The following ACTR3C variants were observed in gnomAD, a reference collection of about 807,000 sequenced individuals.
ACTR3C encodes actin related protein 3C, also known as actin-related protein 3C.
ACTR3C carries 18 observed loss-of-function variants against 26.3 expected under a neutral mutation model. The ratio of observed to expected loss-of-function variants is 0.68; its 90% CI spans 0.47 to 1.01. The LOEUF is 1.01. Ranked by LOEUF, ACTR3C falls within the 50% of genes least tolerant of loss-of-function variation. The probability of loss-of-function intolerance (pLI) is 0.00; values close to 1 mark genes in which losing one functional copy is unlikely to be tolerated. For synonymous variants in ACTR3C, 55 were observed against 94.5 expected (o/e 0.58, Z 2.42); for missense variants, 184 against 250.7 (o/e 0.73, Z 1.80).
the ACTR3C span, among the ~76,000 whole-genome samples, chr7:150,019,705 T>G: frequency 6.6e-6 from 1 of 150,406 alleles, no homozygotes; most frequent in East Asian, 1.9e-4. Flanking sequence ...AAATGAGGAG[T>G]TTTTCAGTTG....
intron 1 of ACTR3C, among the ~76,000 whole-genome samples, chr7:150,321,878 G>C (rs1797548442): frequency 6.6e-6 from 1 of 152,246 alleles, no homozygotes; most frequent in Non-Finnish European, 1.5e-5. Context: ...CAGGAGAAGG[G>C]TCATCTGAAA....
the ACTR3C span, among the ~76,000 whole-genome samples, chr7:150,028,567 C>G: frequency 6.6e-6 from 1 of 152,312 alleles, no homozygotes; most frequent in Non-Finnish European, 1.5e-5. Context: ...GGCGCCGAGG[C>G]TGATCCCGTG....
the ACTR3C span, among the ~76,000 whole-genome samples, chr7:149,913,613 C>A: frequency 6.6e-6 from 1 of 151,784 alleles, no homozygotes. Flanking sequence ...GGGCCGTGCG[C>A]GATTCACTAA....
At chr7:149,927,647 G>A in the ACTR3C span, among the ~76,000 whole-genome samples, 1 of 151,012 alleles carries the variant, frequency 6.6e-6, no homozygotes, top group Non-Finnish European at 1.5e-5. Context: ...AGAATCACTT[G>A]AACCCGGGAG....
chr7:149,907,481 T>TCTCTCC, the ACTR3C span, among the ~76,000 whole-genome samples: 1 of 115,032 alleles, frequency 8.7e-6, no homozygotes, highest in African/African-American at 4.8e-5. Flanking sequence ...TCTTCTCTTC[T>TCTCTCC]CTCTCTCTCT....
chr7:150,227,989 G>A, the ACTR3C span, among the ~76,000 whole-genome samples: 1 of 152,012 alleles, frequency 6.6e-6, no homozygotes, highest in Non-Finnish European at 1.5e-5. Context: ...TTCTAGGAAG[G>A]TCTTTGTCCT....
chr7:150,049,359 T>A, the ACTR3C span, among the ~76,000 whole-genome samples: 1 of 151,886 alleles, frequency 6.6e-6, no homozygotes, highest in African/African-American at 2.4e-5. Context: ...ACCTATCACA[T>A]CCAGAGAGCG....
the ACTR3C span, among the ~76,000 whole-genome samples, chr7:150,167,492 CAA>C: frequency 6.6e-6 from 1 of 150,896 alleles, no homozygotes; most frequent in Non-Finnish European, 1.5e-5. Flanking sequence ...AATTCAGTCT[CAA>C]GAGTGTAAAC....
the ACTR3C span, among the ~76,000 whole-genome samples, chr7:150,221,868 G>C: frequency 2.0e-5 from 3 of 151,986 alleles, no homozygotes; most frequent in Middle Eastern, 6.8e-3. Context: ...CGTGGTGGCG[G>C]GTGCCGGTAG....
chr7:150,227,465 G>T, the ACTR3C span, among the ~76,000 whole-genome samples: 2 of 151,062 alleles, frequency 1.3e-5, no homozygotes, highest in Non-Finnish European at 2.9e-5. Context: ...TCTTTTAAAA[G>T]TATCTTTCAC....
the ACTR3C span, chr7:150,047,820 A>T: frequency 6.5e-7 from 1 of 1,528,402 alleles, no homozygotes; most frequent in Non-Finnish European, 8.8e-7. Context: ...CGAGGTGTTG[A>T]TCTTGCCGGT....
the ACTR3C span, among the ~76,000 whole-genome samples, chr7:150,076,224 A>G: frequency 6.6e-6 from 1 of 152,166 alleles, no homozygotes; most frequent in Non-Finnish European, 1.5e-5. Flanking sequence ...AGGAAAAAAA[A>G]AAACTGATCA....
the ACTR3C span, among the ~76,000 whole-genome samples, chr7:150,225,487 C>T: frequency 1.3e-5 from 2 of 152,210 alleles, no homozygotes; most frequent in African/African-American, 4.8e-5. Context: ...CCATCCAATT[C>T]GTTGTTCAGT....
chr7:150,308,538 C>T (rs1796004615), intron 1 of ACTR3C, among the ~76,000 whole-genome samples: 1 of 151,970 alleles, frequency 6.6e-6, no homozygotes. Context: ...CCCAATGCAG[C>T]TCATCCCAAA....
the ACTR3C span, among the ~76,000 whole-genome samples, chr7:150,036,158 G>A: frequency 2.2e-5 from 3 of 134,004 alleles, 1 homozygote; most frequent in African/African-American, 5.5e-5. Context: ...CGTGGGGGGT[G>A]CCTCCCCCCC....
At position 150,252,914 on chromosome 7, in the gene ACTR3C, G is replaced by A. The variant is rs145589871; in HGVS notation, c.565-3860C>T. Among the ~76,000 whole-genome samples, 825 of 151,698 alleles carry A rather than the reference G, an allele frequency of 5.4e-3. 11 individuals carry two copies. Among genetic ancestry groups the A allele is most frequent in the African/African-American group, 0.019 (777 of 40,994 alleles). ...TCTGGGCCCAACAGCTATCTCAATT[G>A]TGGATGATATTTATATAAGAGCAAA... On this transcript the variant is annotated intron_variant, in intron 6 of 7. Transcript: ENST00000683684.
At chr7:150,039,654 G>A in the ACTR3C span, among the ~76,000 whole-genome samples, 7 of 146,912 alleles carry the variant, frequency 4.8e-5, no homozygotes, top group East Asian at 8.5e-4. Context: ...TCCTCCAGGT[G>A]GGTCCTAAGG....
the ACTR3C span, among the ~76,000 whole-genome samples, chr7:150,135,840 A>T: frequency 6.7e-6 from 1 of 149,294 alleles, no homozygotes; most frequent in African/African-American, 2.6e-5. Flanking sequence ...AAGAAAGGAA[A>T]GAAAGGGAAG....
the ACTR3C span, among the ~76,000 whole-genome samples, chr7:150,142,500 T>G: frequency 2.0e-5 from 3 of 152,150 alleles, no homozygotes; most frequent in Non-Finnish European, 4.4e-5. Flanking sequence ...TTCAAGCCAT[T>G]GTCTATTTTG....
Sources: gnomAD v4.1 joint callset for allele counts (sites outside exome capture counted in the v4.1 genomes callset) on GRCh38, gnomAD v4.1.1 for gene constraint, MANE v1.5 for transcripts, NCBI Gene and HGNC (gene_info 2026-07-23, HGNC 2026-07-21) for gene names.